CSMD1: variants seen among roughly 807,000 people sequenced by gnomAD.
CSMD1 encodes CUB and Sushi multiple domains 1.
A neutral mutation model predicts 417.5 loss-of-function variants in CSMD1; 213 were observed. The observed-to-expected ratio is 0.51, with a 90% confidence interval of 0.46 to 0.57. The LOEUF is 0.57. Among genes scored for constraint, CSMD1 ranks in the 20% least tolerant of loss-of-function variants. CSMD1 has a pLI of 0.00. For synonymous variants in CSMD1, 2,862 were observed against 1,736.8 expected (o/e 1.65, Z -16.11); for missense variants, 6,923 against 4,529.7 (o/e 1.53, Z -15.17).
chr8:4,166,434 T>C (rs775050348), intron 3 of CSMD1, among the ~76,000 whole-genome samples: 4 of 152,144 alleles, frequency 2.6e-5, no homozygotes, highest in East Asian at 1.9e-4. Context: ...AGCCATAACA[T>C]AGAATGAAAT....
chr8:4,826,259 A>G (rs1417945894), intron 1 of CSMD1, among the ~76,000 whole-genome samples: 2 of 152,102 alleles, frequency 1.3e-5, no homozygotes, highest in Admixed American at 6.6e-5. Context: ...AGATGAACAT[A>G]TAAAGAAAAT....
intron 2 of CSMD1, among the ~76,000 whole-genome samples, chr8:4,429,986 G>C (rs1439808534): frequency 1.3e-5 from 2 of 152,158 alleles, no homozygotes; most frequent in African/African-American, 4.8e-5. Context: ...AGCTGAGCTG[G>C]AAGATGAGGT....
rs570367918 is a variant in CSMD1 at position 3,214,348 on chromosome 8, T to C, written c.4867+149A>G. 652 of 646,438 alleles carry C rather than the reference T, an allele frequency of 1.0e-3. 1 individual carries two copies. The highest frequency in any genetic ancestry group is 1.4e-3 in the Non-Finnish European group (546 of 386,402). 40.0% of individuals were successfully genotyped at this position (646,438 alleles called of 1,614,324 possible). ...CTAGCTGCATTAAATGATCAATGAA[T>C]GACTGATATTCGTTCCACACTAGCT... On this transcript the variant is annotated intron_variant, in intron 30 of 69. Transcript: ENST00000635120.
At chr8:3,522,043 G>C (rs1053271415) in intron 10 of CSMD1, among the ~76,000 whole-genome samples, 2 of 152,158 alleles carry the variant, frequency 1.3e-5, no homozygotes, top group African/African-American at 4.8e-5. Flanking sequence ...AGTATTGCCT[G>C]TGTGAATAAT....
intron 10 of CSMD1, among the ~76,000 whole-genome samples, chr8:3,549,058 C>A (rs1460631094): frequency 2.6e-5 from 4 of 152,186 alleles, no homozygotes; most frequent in Admixed American, 2.6e-4. Context: ...TCCCTGATAT[C>A]AACCCCACTT....
chr8:4,581,781 A>G (rs1360575799), intron 2 of CSMD1, among the ~76,000 whole-genome samples: 5 of 152,124 alleles, frequency 3.3e-5, no homozygotes, highest in East Asian at 1.9e-4. Context: ...ACAATTGCCT[A>G]TTGGCTATTG....
chr8:4,099,745 G>C (rs1356747611), intron 3 of CSMD1, among the ~76,000 whole-genome samples: 1 of 151,948 alleles, frequency 6.6e-6, no homozygotes, highest in Non-Finnish European at 1.5e-5. Flanking sequence ...CTTAAAACTA[G>C]AACCTCTTCC....
rs944521130 is a variant in CSMD1 at position 3,407,845 on chromosome 8, G to A, written c.2071+54C>T. On this transcript the variant is annotated intron_variant, in intron 14 of 69. Coordinates refer to ENST00000635120, the MANE Select transcript of CSMD1 (RefSeq NM_033225.6). The stretch of plus-strand genomic sequence containing the variant: ...CTTCACATACATATAAGCAAAATGG[G>A]AACATGTAAGTAAAATGAGAACTTG... The A allele has an allele frequency of 9.0e-6, 13 of 1,451,504 alleles. No individual in the cohort carries two copies. The African/African-American group carries it at 1.1e-4, about 13-fold the overall frequency. 89.9% of individuals were successfully genotyped at this position (1,451,504 alleles called of 1,614,324 possible).
At chr8:4,542,033 T>G (rs537743551) in intron 2 of CSMD1, among the ~76,000 whole-genome samples, 4 of 152,214 alleles carry the variant, frequency 2.6e-5, no homozygotes, top group Admixed American at 6.5e-5. Context: ...GCAAATGTGG[T>G]CCCAGAGCCT....
At chr8:4,561,943 C>A (rs1416795135) in intron 2 of CSMD1, among the ~76,000 whole-genome samples, 1 of 152,184 alleles carries the variant, frequency 6.6e-6, no homozygotes, top group African/African-American at 2.4e-5. Context: ...CGTTTAGACA[C>A]TGCCAGCCCC....
chr8:4,115,522 G>C (rs918985962), intron 3 of CSMD1, among the ~76,000 whole-genome samples: 2 of 152,148 alleles, frequency 1.3e-5, no homozygotes, highest in Non-Finnish European at 2.9e-5. Flanking sequence ...AAAAACGTAG[G>C]ATTCTTTCAC....
At chr8:4,341,340 A>G (rs1240424362) in intron 3 of CSMD1, among the ~76,000 whole-genome samples, 1 of 152,140 alleles carries the variant, frequency 6.6e-6, no homozygotes, top group African/African-American at 2.4e-5. Flanking sequence ...AGTTTTTCAC[A>G]TTGAATTCTG....
chr8:4,811,773 T>C (rs1191190177), intron 1 of CSMD1, among the ~76,000 whole-genome samples: 1 of 152,150 alleles, frequency 6.6e-6, no homozygotes, highest in East Asian at 1.9e-4. Flanking sequence ...ATTCAGTTTA[T>C]TTTAGGAATA....
At chr8:3,281,188 A>T (rs904696349) in intron 26 of CSMD1, among the ~76,000 whole-genome samples, 2 of 152,208 alleles carry the variant, frequency 1.3e-5, no homozygotes, top group African/African-American at 4.8e-5. Context: ...CACGCCTGTA[A>T]TCCCAGCACT....
At chr8:3,183,572 G>A (rs1339052019) in intron 36 of CSMD1, among the ~76,000 whole-genome samples, 1 of 136,330 alleles carries the variant, frequency 7.3e-6, no homozygotes, top group Non-Finnish European at 1.6e-5. Context: ...GGTCTCTAAC[G>A]CCTAATCTAT....
intron 40 of CSMD1, among the ~76,000 whole-genome samples, chr8:3,148,905 T>C (rs1213821015): frequency 6.6e-6 from 1 of 152,238 alleles, no homozygotes; most frequent in Non-Finnish European, 1.5e-5. Flanking sequence ...TAACAAATTA[T>C]TCTGAAGCTT....
chr8:4,359,188 A>T (rs1017718847), intron 3 of CSMD1, among the ~76,000 whole-genome samples: 1 of 152,140 alleles, frequency 6.6e-6, no homozygotes, highest in Non-Finnish European at 1.5e-5. Context: ...CAATTTCACA[A>T]AAGTCCCAGA....
chr8:3,338,965 C>A (rs1259580454), intron 23 of CSMD1, among the ~76,000 whole-genome samples: 1 of 149,210 alleles, frequency 6.7e-6, no homozygotes, highest in African/African-American at 2.5e-5. Flanking sequence ...ACGTATATCT[C>A]CCGATGCTCT....
intron 3 of CSMD1, among the ~76,000 whole-genome samples, chr8:4,081,587 C>A (rs1036482975): frequency 6.6e-6 from 1 of 152,200 alleles, no homozygotes; most frequent in East Asian, 1.9e-4. Context: ...GAACACTATA[C>A]CCAACCACTG....
Sources: allele counts gnomAD v4.1 joint callset (sites outside exome capture counted in the v4.1 genomes callset), GRCh38; gene constraint gnomAD v4.1.1; transcripts MANE v1.5; gene names NCBI Gene and HGNC (gene_info 2026-07-23, HGNC 2026-07-21).